The following CLDN10 variants were observed in gnomAD, a reference collection of about 807,000 sequenced individuals.
CLDN10 encodes claudin-10.
CLDN10 carries 15 observed loss-of-function variants against 22.9 expected under a neutral mutation model. That is an observed-to-expected ratio of 0.65 (90% CI 0.44 to 1.01). CLDN10 has a LOEUF of 1.01. Among genes scored for constraint, CLDN10 ranks in the 50% least tolerant of loss-of-function variants. The pLI is 0.00. For missense variants in CLDN10, 247 were observed against 287.8 expected (o/e 0.86, Z 1.03); for synonymous variants, 114 against 111.4 (o/e 1.02, Z -0.15).
At chr13:95,469,758 C>T (rs1441668386) in intron 1 of CLDN10, among the ~76,000 whole-genome samples, 1 of 152,110 alleles carries the variant, frequency 6.6e-6, no homozygotes, top group Admixed American at 6.5e-5. Context: ...AGACTGAACA[C>T]ACTCAAAAAA....
At chr13:95,454,946 G>T (rs1259738883) in intron 1 of CLDN10, among the ~76,000 whole-genome samples, 1 of 152,106 alleles carries the variant, frequency 6.6e-6, no homozygotes, top group Non-Finnish European at 1.5e-5. Context: ...CAGCACTTTG[G>T]GAGGCCAAGG....
intron 1 of CLDN10, among the ~76,000 whole-genome samples, chr13:95,521,876 T>C (rs1189783766): frequency 2.6e-5 from 4 of 152,062 alleles, no homozygotes; most frequent in Non-Finnish European, 4.4e-5. Flanking sequence ...TATTTCTTCT[T>C]GTGTTCATTT....
chr13:95,456,115 G>C (rs1594530799), intron 1 of CLDN10, among the ~76,000 whole-genome samples: 1 of 152,288 alleles, frequency 6.6e-6, no homozygotes, highest in East Asian at 1.9e-4. Context: ...GCTGAAAGAG[G>C]CTTTTATTTA....
At chr13:95,519,004 G>T (rs189791236) in intron 1 of CLDN10, among the ~76,000 whole-genome samples, 1 of 152,228 alleles carries the variant, frequency 6.6e-6, no homozygotes, top group Admixed American at 6.5e-5. Flanking sequence ...TATGTGACAG[G>T]TATCGGTAGA....
intron 1 of CLDN10, among the ~76,000 whole-genome samples, chr13:95,523,880 A>G (rs907334733): frequency 6.6e-6 from 1 of 152,222 alleles, no homozygotes; most frequent in African/African-American, 2.4e-5. Flanking sequence ...TCTACACATG[A>G]GATGACCGTA....
At chr13:95,433,804 G>C (rs1005029558) in exon 1 of CLDN10, 12 of 1,611,116 alleles carry the variant, frequency 7.4e-6, no homozygotes, top group Non-Finnish European at 1.0e-5. Flanking sequence ...CGTTCTGACC[G>C]GACAGTGTCA....
At chr13:95,546,021 G>C (rs1406616348) in intron 1 of CLDN10, among the ~76,000 whole-genome samples, 1 of 152,182 alleles carries the variant, frequency 6.6e-6, no homozygotes, top group Non-Finnish European at 1.5e-5. Context: ...CCTTGCTCAG[G>C]ATACCATTAA....
At chr13:95,489,591 G>C (rs1006191227) in intron 1 of CLDN10, among the ~76,000 whole-genome samples, 1 of 151,804 alleles carries the variant, frequency 6.6e-6, no homozygotes, top group Non-Finnish European at 1.5e-5. Context: ...TTACTCATTT[G>C]AGCTTGTTGT....
intron 1 of CLDN10, among the ~76,000 whole-genome samples, chr13:95,456,362 T>C (rs2042481883): frequency 6.6e-6 from 1 of 152,190 alleles, no homozygotes; most frequent in Non-Finnish European, 1.5e-5. Context: ...TTCCCATATC[T>C]ACTCTCCTAT....
intron 1 of CLDN10, among the ~76,000 whole-genome samples, chr13:95,435,075 A>T (rs1269871086): frequency 6.6e-6 from 1 of 152,112 alleles, no homozygotes; most frequent in Admixed American, 6.6e-5. Flanking sequence ...ACTCTATTAC[A>T]AGTGTACGTA....
chr13:95,473,922 G>A (rs2042660262), intron 1 of CLDN10, among the ~76,000 whole-genome samples: 1 of 152,216 alleles, frequency 6.6e-6, no homozygotes, highest in Admixed American at 6.5e-5. Context: ...TAAAGTATTA[G>A]AATGTAATGC....
At chr13:95,529,960 CT>C in intron 1 of CLDN10, among the ~76,000 whole-genome samples, 1 of 152,076 alleles carries the variant, frequency 6.6e-6, no homozygotes, top group Non-Finnish European at 1.5e-5. Flanking sequence ...TAGAAGGTCA[CT>C]TTCACTATTT....
chr13:95,548,514 A>G (rs954156652), upstream of CLDN10, among the ~76,000 whole-genome samples: 1 of 152,212 alleles, frequency 6.6e-6, no homozygotes, highest in African/African-American at 2.4e-5. Flanking sequence ...TTATATATGA[A>G]TGGTGATGCA....
At chr13:95,459,769 T>C (rs558881151) in intron 1 of CLDN10, among the ~76,000 whole-genome samples, 13 of 152,382 alleles carry the variant, frequency 8.5e-5, no homozygotes, top group South Asian at 8.3e-4. Context: ...TCATTACTTA[T>C]GCAAATTTTT....
chr13:95,433,928 C>T (rs1419354135), exon 1 of CLDN10: 4 of 1,614,040 alleles, frequency 2.5e-6, no homozygotes, highest in African/African-American at 2.7e-5. Flanking sequence ...AAAGTGACCA[C>T]GCGAGCCTCC....
At chr13:95,460,222 C>T (rs1181276761) in intron 1 of CLDN10, among the ~76,000 whole-genome samples, 1 of 152,198 alleles carries the variant, frequency 6.6e-6, no homozygotes, top group African/African-American at 2.4e-5. Context: ...AACTTTTCCA[C>T]ATCTTCCTGT....
rs905073533 is a variant in CLDN10, at chr13:95,538,166, T to C, written c.215-21966T>C. On this transcript the variant is annotated intron_variant, in intron 1 of 4. Transcript: ENST00000376873. ...AACTGTTTATTTCTTTTTTTTTTTT[T>C]TTTTTTTTTTTTTTTGAGACATGCA... Among the ~76,000 whole-genome samples the C allele has an allele frequency of 3.3e-4, 46 of 140,034 alleles. 1 individual carries two copies. Among genetic ancestry groups the C allele is most frequent in the African/African-American group, 1.2e-3 (44 of 37,504 alleles). The allele number at this position is 140,034 out of a possible 152,430, so 91.9% of individuals were successfully genotyped here. A position where few individuals can be genotyped will look rare whatever the true frequency, so the allele number is the denominator to read the frequency against.
chr13:95,571,379 T>C (rs538829444), intron 3 of CLDN10, among the ~76,000 whole-genome samples: 9 of 152,324 alleles, frequency 5.9e-5, no homozygotes, highest in African/African-American at 2.2e-4. Flanking sequence ...TTTCCATATA[T>C]AAGTAGACAC....
chr13:95,461,898 C>T (rs1035672469), intron 1 of CLDN10, among the ~76,000 whole-genome samples: 6 of 152,156 alleles, frequency 3.9e-5, no homozygotes, highest in Admixed American at 3.9e-4. Flanking sequence ...TCAAGACCAA[C>T]CTGGGCAACA....
Sources: allele counts gnomAD v4.1 joint callset (sites outside exome capture counted in the v4.1 genomes callset), GRCh38; gene constraint gnomAD v4.1.1; transcripts MANE v1.5; gene names NCBI Gene and HGNC (gene_info 2026-07-23, HGNC 2026-07-21).